The following C2orf42 variants were observed in gnomAD, a reference collection of about 807,000 sequenced individuals.
C2orf42 encodes the protein chromosome 2 open reading frame 42, also known as uncharacterized protein C2orf42.
In C2orf42, 44 loss-of-function variants were observed where a neutral mutation model predicts 58.9. The ratio of observed to expected loss-of-function variants is 0.75; its 90% CI spans 0.59 to 0.96. The LOEUF (loss-of-function observed/expected upper bound fraction) is 0.96, where lower values mean the gene tolerates loss of function less well. Ranked by LOEUF, C2orf42 falls within the 40% of genes least tolerant of loss-of-function variation. The pLI is 0.00. For synonymous variants in C2orf42, 239 were observed against 265.4 expected (o/e 0.90, Z 0.97); for missense variants, 630 against 699.2 (o/e 0.90, Z 1.12).
chr2:70,165,493 G>A, intron 7 of C2orf42, 35 bp downstream of exon 7: 2 of 1,122,818 alleles, frequency 1.8e-6, no homozygotes, highest in Non-Finnish European at 2.7e-6. Context: ...CTATGTTCGA[G>A]ACATCCATCA....
chr2:70,169,806 C>T, intron 5 of C2orf42, 145 bp from the exon 6 acceptor site: 1 of 555,438 alleles, frequency 1.8e-6, no homozygotes, highest in Non-Finnish European at 3.2e-6. Context: ...GTTGCCCAGG[C>T]TGGAGTGCAG....
chr2:70,176,333 A>T (rs13012533), intron 4 of C2orf42, among the ~76,000 whole-genome samples: 63,086 of 151,632 alleles, frequency 0.42, 14,759 homozygotes, highest in African/African-American at 0.63. Context: ...TGAAACCCCA[A>T]CTCCACTAAA....
At chr2:70,177,578 C>T (rs989379370) in intron 4 of C2orf42, among the ~76,000 whole-genome samples, 18 of 152,174 alleles carry the variant, frequency 1.2e-4, no homozygotes, top group Non-Finnish European at 7.3e-5. Flanking sequence ...AACTCTTGTG[C>T]ATGACCACCT....
intron 6 of C2orf42, among the ~76,000 whole-genome samples, chr2:70,166,660 G>C (rs572667410): frequency 6.6e-6 from 1 of 151,654 alleles, no homozygotes; most frequent in South Asian, 2.1e-4. Context: ...TGGGCAACAG[G>C]GTGAGACTCC....
At chr2:70,171,346 GAT>G (rs1160468051) in intron 5 of C2orf42, among the ~76,000 whole-genome samples, 1 of 152,084 alleles carries the variant, frequency 6.6e-6, no homozygotes, top group Non-Finnish European at 1.5e-5. Flanking sequence ...TTTTATTCCT[GAT>G]GAACATGTAT....
intron 9 of C2orf42, among the ~76,000 whole-genome samples, chr2:70,151,969 GT>G (rs1223050482): frequency 1.3e-5 from 2 of 151,984 alleles, no homozygotes; most frequent in Non-Finnish European, 2.9e-5. Context: ...TAGAGACAGG[GT>G]TTCAGCAGGT....
chr2:70,179,053 T>G (rs1674377937), intron 4 of C2orf42, among the ~76,000 whole-genome samples: 1 of 152,140 alleles, frequency 6.6e-6, no homozygotes, highest in South Asian at 2.1e-4. Flanking sequence ...GTCACAAAAT[T>G]TTTTTAAACA....
In C2orf42 at chr2:70,169,720, C is replaced by A. The variant is rs540482448; in HGVS notation, c.1040-59G>T. 286 of 805,910 alleles carry A rather than the reference C, an allele frequency of 3.5e-4. 1 individual carries two copies. Among genetic ancestry groups the A allele is most frequent in the Middle Eastern group, 4.6e-4 (2 of 4,330 alleles). The allele number at this position is 805,910 out of a possible 1,614,324, so 49.9% of individuals were successfully genotyped here. A position where few individuals can be genotyped will look rare whatever the true frequency, so the allele number is the denominator to read the frequency against. On this transcript the variant is annotated intron_variant, in intron 5 of 9. Transcript: ENST00000264434. ...TTAGTAACTTTTCTTACAAAATAAA[C>A]AGCTAATTGAAGTTTGAAAAAGTTA...
chr2:70,172,177 T>G (rs1673866349), intron 5 of C2orf42, among the ~76,000 whole-genome samples: 1 of 148,178 alleles, frequency 6.7e-6, no homozygotes, highest in Non-Finnish European at 1.5e-5. Flanking sequence ...TGAGCTGAGA[T>G]TGTGCCACTG....
intron 6 of C2orf42, among the ~76,000 whole-genome samples, 189 bp from the exon 7 acceptor site, chr2:70,165,824 G>A (rs955012223): frequency 1.3e-5 from 2 of 152,116 alleles, no homozygotes; most frequent in African/African-American, 2.4e-5. Flanking sequence ...TAGTCCTACT[G>A]TTGATCCCTT....
At chr2:70,153,655 T>G (rs1245179846) in intron 9 of C2orf42, among the ~76,000 whole-genome samples, 50 of 118,074 alleles carry the variant, frequency 4.2e-4, no homozygotes, top group Admixed American at 1.3e-3. Flanking sequence ...CAGTAATAAG[T>G]AAAGAAAAGA....
chr2:70,152,078 A>T (rs1672349604), intron 9 of C2orf42, among the ~76,000 whole-genome samples: 3 of 152,036 alleles, frequency 2.0e-5, no homozygotes, highest in Admixed American at 2.0e-4. Flanking sequence ...CGCCTGGCTT[A>T]TATTTTACTT....
chr2:70,154,333 G>T (rs1246762414), intron 9 of C2orf42, among the ~76,000 whole-genome samples: 1 of 149,012 alleles, frequency 6.7e-6, no homozygotes, highest in Non-Finnish European at 1.5e-5. Flanking sequence ...GAGGATCAGG[G>T]TGGAGGATCA....
rs755152746 is a variant in C2orf42 at position 70,179,651 on chromosome 2, A to C, written c.824-9T>G. 1.7e-6 allele frequency: 2 copies of C among 1,158,236 alleles called. No homozygotes were observed. Among genetic ancestry groups the C allele is most frequent in the Non-Finnish European group, 2.6e-6 (2 of 772,724 alleles). The allele number at this position is 1,158,236 out of a possible 1,614,324, so 71.7% of individuals were successfully genotyped here. A position where few individuals can be genotyped will look rare whatever the true frequency, so the allele number is the denominator to read the frequency against. Reference sequence around the variant, plus strand: ...AATAATCTCTTTAAGACCTAAAAAAAAGAAGATTTCTGAATTATTAATCCT... The same window carrying C: ...AATAATCTCTTTAAGACCTAAAAAACAGAAGATTTCTGAATTATTAATCCT... On this transcript the variant is annotated splice_polypyrimidine_tract_variant and intron_variant, in intron 3 of 9. Transcript: ENST00000264434.
In C2orf42 at chr2:70,169,661, G is replaced by C. The variant is rs1476753391; in HGVS notation, c.1040C>G (p.Ala347Gly). Residue 347 changes from alanine to glycine, a missense_variant and splice_region_variant, in exon 6 of 10, where the codon GCC becomes GGC. Ala to Gly is a moderately conservative substitution (Grantham distance 60). Coordinates refer to ENST00000264434, the MANE Select transcript of C2orf42 (RefSeq NM_017880.3). ...PVVASSLKRQ[A>G]CGQLLDEAQV... ...TGCCTCATCTAACAGCTGACCACAGGCTAGGGAAAAAAAAACCACACATAC... is the reference window on the plus strand; with the variant it reads ...TGCCTCATCTAACAGCTGACCACAGCCTAGGGAAAAAAAAACCACACATAC... 1.9e-6 allele frequency: 3 copies of C among 1,551,676 alleles called. No homozygotes were observed. The highest frequency in any genetic ancestry group is 3.4e-5 in the Admixed American group (2 of 59,612).
At chr2:70,166,742 A>C (rs541692510) in intron 6 of C2orf42, among the ~76,000 whole-genome samples, 4 of 152,202 alleles carry the variant, frequency 2.6e-5, no homozygotes, top group African/African-American at 9.6e-5. Context: ...ACCAAGTATA[A>C]CATTTCAAAT....
Position 70,181,780 on chromosome 2 carries a change from C to A in C2orf42, c.206G>T (p.Gly69Val), listed in dbSNP as rs1048845669. ...CACTGAGTAGACCTGAAGATCAGAG[C>A]CTGTAATGATTTTGACAGCTTCAAC... is the stretch of plus-strand genomic sequence containing the variant. ...PSVEAVKIITGSDLQVYSVRQ... is the reference protein window; with the variant it reads ...PSVEAVKIITVSDLQVYSVRQ... The change falls in exon 3 of 10, where the codon GGC becomes GTC. Residue 69 changes from glycine (G) to valine (V), a missense_variant. Transcript: ENST00000264434. 1 of 1,614,120 alleles carries A rather than the reference C, an allele frequency of 6.2e-7. No individual in the cohort carries two copies.
intron 1 of C2orf42, among the ~76,000 whole-genome samples, chr2:70,186,297 T>C (rs1021086635): frequency 6.6e-6 from 1 of 151,956 alleles, no homozygotes; most frequent in Non-Finnish European, 1.5e-5. Context: ...GACATATATA[T>C]ACGTATATGT....
chr2:70,170,171 A>G (rs958895228), intron 5 of C2orf42, among the ~76,000 whole-genome samples: 2 of 138,828 alleles, frequency 1.4e-5, no homozygotes, highest in African/African-American at 6.1e-5. Flanking sequence ...AGTGTTAATA[A>G]GTTTGTCCAG....
Sources: gnomAD v4.1 joint callset for allele counts (sites outside exome capture counted in the v4.1 genomes callset) on GRCh38, gnomAD v4.1.1 for gene constraint, MANE v1.5 for transcripts, NCBI Gene and HGNC (gene_info 2026-07-23, HGNC 2026-07-21) for gene names.